The following PDE10A variants were observed in gnomAD, a reference collection of about 807,000 sequenced individuals.
PDE10A encodes phosphodiesterase 10A, also known as cAMP and cAMP-inhibited cGMP 3',5'-cyclic phosphodiesterase 10A.
Under a neutral mutation model 97.7 loss-of-function variants are expected in PDE10A, and 39 were observed. The observed-to-expected ratio is 0.40, with a 90% CI of 0.31 to 0.52. PDE10A has a LOEUF of 0.52. Ranked by LOEUF, PDE10A falls within the 20% of genes least tolerant of loss-of-function variation. The pLI is 0.56. For missense variants in PDE10A, 731 were observed against 1,047.8 expected (o/e 0.70, Z 4.17); for synonymous variants, 371 against 376.8 (o/e 0.98, Z 0.18).
chr6:165,954,368 ATAAT>A, intron 1 of PDE10A, among the ~76,000 whole-genome samples: 1 of 152,352 alleles, frequency 6.6e-6, no homozygotes, highest in Admixed American at 6.5e-5. Flanking sequence ...TGGTGGCTGC[ATAAT>A]AACTGCTACA....
At chr6:165,744,016 T>C (rs1212303942) in intron 1 of PDE10A, among the ~76,000 whole-genome samples, 2 of 152,190 alleles carry the variant, frequency 1.3e-5, no homozygotes, top group African/African-American at 2.4e-5. Context: ...CGGAGAATGA[T>C]TGATCACTTC....
chr6:165,371,695 G>T (rs901721808), intron 18 of PDE10A, among the ~76,000 whole-genome samples: 4 of 152,006 alleles, frequency 2.6e-5, no homozygotes, highest in African/African-American at 9.7e-5. Flanking sequence ...CCAATCAATA[G>T]AAAAAGAGGG....
chr6:165,802,256 G>C (rs1298993176), intron 1 of PDE10A, among the ~76,000 whole-genome samples: 1 of 152,044 alleles, frequency 6.6e-6, no homozygotes, highest in African/African-American at 2.4e-5. Context: ...CTTCCCACAT[G>C]ACTTCTGCTC....
chr6:165,960,207 C>T lies in PDE10A; in HGVS notation c.-615+27322G>A, dbSNP rs182964509. Among the ~76,000 whole-genome samples the T allele has an allele frequency of 1.9e-3, 292 of 152,138 alleles. 1 individual carries two copies. The highest frequency in any genetic ancestry group is 3.3e-3 in the Non-Finnish European group (226 of 67,986). On this transcript the variant is annotated intron_variant, in intron 1 of 19. Coordinates refer to the PDE10A transcript ENST00000366882. ...TCAATAAAGATCATAGTAAAGAAAA[C>T]TAGAATTCTGAAAACAAAAAATAGT...
intron 1 of PDE10A, among the ~76,000 whole-genome samples, chr6:165,625,904 T>A (rs1788363135): frequency 6.6e-6 from 1 of 152,182 alleles, no homozygotes; most frequent in South Asian, 2.1e-4. Context: ...AATACACAGT[T>A]TAATATATGA....
intron 1 of PDE10A, among the ~76,000 whole-genome samples, chr6:165,695,562 G>T (rs1791423271): frequency 6.6e-6 from 1 of 152,224 alleles, no homozygotes; most frequent in African/African-American, 2.4e-5. Context: ...CTAAGTACCA[G>T]ATGAGTGTGG....
intron 1 of PDE10A, among the ~76,000 whole-genome samples, chr6:165,858,343 C>G (rs1382426643): frequency 6.6e-6 from 1 of 152,210 alleles, no homozygotes; most frequent in Non-Finnish European, 1.5e-5. Flanking sequence ...GACTAAGAAG[C>G]CCCTCAGGGG....
intron 1 of PDE10A, among the ~76,000 whole-genome samples, chr6:165,613,898 A>G (rs1025356032): frequency 6.6e-6 from 1 of 151,972 alleles, no homozygotes; most frequent in Non-Finnish European, 1.5e-5. Context: ...AAAACTGAAC[A>G]TCTCCCTCCC....
chr6:165,390,122 G>A (rs1785588115), intron 16 of PDE10A, among the ~76,000 whole-genome samples: 1 of 152,172 alleles, frequency 6.6e-6, no homozygotes, highest in African/African-American at 2.4e-5. Flanking sequence ...CATGGTCTAA[G>A]TCTGAGGAAA....
chr6:165,920,311 A>G (rs9459531), intron 1 of PDE10A, among the ~76,000 whole-genome samples: 71,539 of 152,008 alleles, frequency 0.47, 16,975 homozygotes, highest in African/African-American at 0.49. Flanking sequence ...TGTATTATCC[A>G]CTTTGCAAAA....
At chr6:165,798,631 A>C (rs1038678484) in intron 1 of PDE10A, among the ~76,000 whole-genome samples, 3 of 152,290 alleles carry the variant, frequency 2.0e-5, no homozygotes, top group Admixed American at 6.5e-5. Context: ...CCTCATATTT[A>C]ATAGAAAAAT....
intron 1 of PDE10A, among the ~76,000 whole-genome samples, chr6:165,729,981 A>G (rs1180886182): frequency 6.6e-6 from 1 of 152,186 alleles, no homozygotes; most frequent in African/African-American, 2.4e-5. Flanking sequence ...ATATATCACC[A>G]AGAAATACGT....
intron 1 of PDE10A, among the ~76,000 whole-genome samples, chr6:165,977,379 C>T (rs1486125494): frequency 3.3e-5 from 5 of 152,296 alleles, no homozygotes; most frequent in East Asian, 1.9e-4. Context: ...TACCTCAGGA[C>T]GGTATAACTT....
chr6:165,734,904 C>A (rs1299461452), intron 1 of PDE10A, among the ~76,000 whole-genome samples: 1 of 152,008 alleles, frequency 6.6e-6, no homozygotes, highest in Non-Finnish European at 1.5e-5. Flanking sequence ...TGTGTTCATT[C>A]GGATTCTGTA....
intron 1 of PDE10A, among the ~76,000 whole-genome samples, chr6:165,845,285 GT>G (rs1396982030): frequency 2.6e-5 from 4 of 152,160 alleles, no homozygotes; most frequent in Non-Finnish European, 4.4e-5. Flanking sequence ...GTGATGTGGG[GT>G]TAGCAACAAA....
chr6:165,494,462 GGGT>G (rs1780411860), intron 2 of PDE10A, among the ~76,000 whole-genome samples: 1 of 148,462 alleles, frequency 6.7e-6, no homozygotes, highest in African/African-American at 2.5e-5. Flanking sequence ...ATGTGGGGGG[GGGT>G]GTGTGTGTGT....
chr6:165,360,345 A>C (rs1346721563), intron 18 of PDE10A, among the ~76,000 whole-genome samples: 1 of 152,072 alleles, frequency 6.6e-6, no homozygotes, highest in Non-Finnish European at 1.5e-5. Flanking sequence ...CACAATTCCC[A>C]CATCTCCCGG....
chr6:165,366,974 T>C (rs1783812676), intron 18 of PDE10A, among the ~76,000 whole-genome samples: 1 of 152,074 alleles, frequency 6.6e-6, no homozygotes, highest in Non-Finnish European at 1.5e-5. Flanking sequence ...TTACTAGCCA[T>C]GTAAAGAAAC....
chr6:165,952,868 A>G (rs1246457564), intron 1 of PDE10A, among the ~76,000 whole-genome samples: 3 of 152,196 alleles, frequency 2.0e-5, no homozygotes, highest in African/African-American at 7.2e-5. Context: ...GAAAAAAAAA[A>G]AAGGCCACAG....
Sources: gnomAD v4.1 joint callset for allele counts (sites outside exome capture counted in the v4.1 genomes callset) on GRCh38, gnomAD v4.1.1 for gene constraint, MANE v1.5 for transcripts, NCBI Gene and HGNC (gene_info 2026-07-23, HGNC 2026-07-21) for gene names.